Variants in MXD1 observed in about 807,000 individuals in gnomAD.
The protein encoded by MXD1 is MAX-binding protein.
Under a neutral mutation model 25.7 loss-of-function variants are expected in MXD1, and 9 were observed. That is an observed-to-expected ratio of 0.35 (90% CI 0.21 to 0.61). The LOEUF (loss-of-function observed/expected upper bound fraction) is 0.61, where lower values mean the gene tolerates loss of function less well. Among genes scored for constraint, MXD1 ranks in the 20% least tolerant of loss-of-function variants. The probability of loss-of-function intolerance (pLI) is 0.75; values close to 1 mark genes in which losing one functional copy is unlikely to be tolerated. For synonymous variants in MXD1, 99 were observed against 113.9 expected (o/e 0.87, Z 0.83); for missense variants, 227 against 292.4 (o/e 0.78, Z 1.63).
chr2:69,919,470 G>A (rs962970698), intron 2 of MXD1, among the ~76,000 whole-genome samples: 7 of 151,020 alleles, frequency 4.6e-5, no homozygotes, highest in African/African-American at 9.7e-5. Flanking sequence ...TCAGCCTCCC[G>A]AGTAGCTGGG....
intron 2 of MXD1, among the ~76,000 whole-genome samples, chr2:69,921,060 C>A (rs1677055486): frequency 6.6e-6 from 1 of 152,162 alleles, no homozygotes. Context: ...TAACCAGTAA[C>A]AGGATGGTAA....
At chr2:69,934,212 A>G (rs550685797) in intron 3 of MXD1, among the ~76,000 whole-genome samples, 1 of 152,312 alleles carries the variant, frequency 6.6e-6, no homozygotes, top group South Asian at 2.1e-4. Flanking sequence ...AGTGAATAAT[A>G]TAAACAGTTA....
Position 69,916,100 on chromosome 2 carries a change from C to T in MXD1, c.74-21C>T, listed in dbSNP as rs181713845. 47 of 1,452,344 alleles carry T rather than the reference C, an allele frequency of 3.2e-5. No homozygotes were observed. In the Admixed American group the frequency reaches 6.7e-4, roughly 21 times the overall value. The allele number at this position is 1,452,344 out of a possible 1,614,324, so 90.0% of individuals were successfully genotyped here. ...TAAATATTCTGGGCCCATTCATTAA[C>T]TGGATCCTCCTGTTTTCTAGAAGCT... On this transcript the variant is annotated intron_variant, in intron 1 of 5. Transcript: ENST00000264444.
chr2:69,931,275 C>T (rs1677275897), intron 3 of MXD1, among the ~76,000 whole-genome samples: 1 of 152,106 alleles, frequency 6.6e-6, no homozygotes, highest in Admixed American at 6.6e-5. Context: ...GTTATCCATT[C>T]TTTTAAGCTA....
chr2:69,915,638 TC>T lies in MXD1; in HGVS notation c.73+239del, dbSNP rs1004817820. On this transcript the variant is annotated intron_variant, in intron 1 of 5. Transcript: ENST00000264444. The surrounding 1 kb of genome is among the most constrained non-coding windows in gnomAD (Gnocchi z 5.8). ...CGCCGGGGTCCCGAACGCCGCCCCT[TC>T]CCCAGCCCTTCACGAGTGGGTGGCC... 6.6e-6 allele frequency among the ~76,000 whole-genome samples: 1 copy of T among 152,096 alleles called. No homozygotes were observed. The highest frequency in any genetic ancestry group is 1.5e-5 in the Non-Finnish European group (1 of 67,974).
intron 2 of MXD1, 95 bp from the exon 3 acceptor site, chr2:69,921,641 T>C: frequency 8.5e-7 from 1 of 1,180,602 alleles, no homozygotes. Flanking sequence ...TCCTATCAAC[T>C]TTGGAGAGAA....
chr2:69,926,683 T>C (rs1677177397), intron 3 of MXD1, among the ~76,000 whole-genome samples: 1 of 152,240 alleles, frequency 6.6e-6, no homozygotes, highest in African/African-American at 2.4e-5. Flanking sequence ...TAATTGATTA[T>C]TGTTGGAATA....
intron 3 of MXD1, among the ~76,000 whole-genome samples, chr2:69,925,119 T>C (rs1037013615): frequency 3.9e-5 from 6 of 152,124 alleles, no homozygotes; most frequent in Non-Finnish European, 8.8e-5. Context: ...TACGCACTGC[T>C]GTGGAGGAGC....
intron 3 of MXD1, among the ~76,000 whole-genome samples, chr2:69,925,213 G>A (rs958309468): frequency 2.2e-4 from 33 of 151,918 alleles, no homozygotes; most frequent in African/African-American, 7.7e-4. Context: ...TTCTGGGTCT[G>A]ATCTCCTAAG....
At chr2:69,936,416 G>A (rs1251725381) in intron 4 of MXD1, among the ~76,000 whole-genome samples, 1 of 152,116 alleles carries the variant, frequency 6.6e-6, no homozygotes, top group Non-Finnish European at 1.5e-5. Context: ...CACTCTCTTT[G>A]CTACCTGAAT....
At chr2:69,927,909 T>C (rs1323289225) in intron 3 of MXD1, among the ~76,000 whole-genome samples, 1 of 152,184 alleles carries the variant, frequency 6.6e-6, no homozygotes, top group Non-Finnish European at 1.5e-5. Context: ...CACTTGGCAA[T>C]TGTTTATAAA....
intron 3 of MXD1, among the ~76,000 whole-genome samples, chr2:69,935,039 C>T (rs1349533441): frequency 6.6e-6 from 1 of 152,144 alleles, no homozygotes; most frequent in African/African-American, 2.4e-5. Context: ...GTAAGTTGAA[C>T]CATCATGAGT....
Position 69,921,757 on chromosome 2 carries a change from G to A in MXD1, c.195G>A (p.Glu65=), listed in dbSNP as rs1677067616. 1.2e-6 allele frequency: 2 copies of A among 1,611,670 alleles called. No homozygotes were observed. Among genetic ancestry groups the A allele is most frequent in the African/African-American group, 2.7e-5 (2 of 74,782 alleles). ...SSSRSTHNEM[E]KNRRAHLRLC... ...TCAGATCAACTCACAATGAAATGGA[G>A]AAGAATAGGTGAGTTGGGGATTTGG... The change falls in exon 3 of 6, where the codon GAG becomes GAA. Residue 65 remains glutamate (E), a synonymous_variant. Coordinates refer to ENST00000264444, the MANE Select transcript of MXD1 (RefSeq NM_002357.4).
chr2:69,922,750 C>T (rs1170530339), intron 3 of MXD1, among the ~76,000 whole-genome samples: 1 of 151,862 alleles, frequency 6.6e-6, no homozygotes, highest in Non-Finnish European at 1.5e-5. Flanking sequence ...TGTGGTGGCA[C>T]GTGCCTGTAA....
At chr2:69,937,162 G>A (rs1202864492) in intron 4 of MXD1, 73 bp from the exon 5 acceptor site, 5 of 1,578,742 alleles carry the variant, frequency 3.2e-6, no homozygotes, top group Non-Finnish European at 4.4e-6. Context: ...ACTGCTAGAA[G>A]GGAAGATGCG....
rs922555604 is a variant in MXD1 at position 69,941,859 on chromosome 2, T to C, written c.*3575T>C. 5 of 135,182 alleles carry C rather than the reference T, an allele frequency of 3.7e-5. No individual in the cohort carries two copies. In the Admixed American group the frequency reaches 5.2e-4, roughly 14 times the overall value. The allele number at this position is 135,182 out of a possible 1,614,324, so 8.4% of individuals were successfully genotyped here. A position where few individuals can be genotyped will look rare whatever the true frequency, so the allele number is the denominator to read the frequency against. On this transcript the variant is annotated 3_prime_UTR_variant, in exon 6 of 6. Coordinates refer to ENST00000264444, the MANE Select transcript of MXD1 (RefSeq NM_002357.4). Reference sequence around the variant, plus strand: ...AGAACTTATTTTTGAAAAGTATCTATATATACACACACACACACACACACA... The same window carrying C: ...AGAACTTATTTTTGAAAAGTATCTACATATACACACACACACACACACACA...
rs1359741320 is a variant in MXD1 at position 69,940,654 on chromosome 2, TTGTC to T, written c.*2373_*2376del. 2.0e-5 allele frequency: 3 copies of T among 152,664 alleles called. No individual in the cohort carries two copies. The highest frequency in any genetic ancestry group is 2.4e-5 in the African/African-American group (1 of 41,464). 9.5% of individuals were successfully genotyped at this position (152,664 alleles called of 1,614,324 possible). ...AGTAATTATTTGACCTTTGCACTGT[TTGTC>T]TGGTCCTTTTCAGTTTGATTGCATA... is the stretch of plus-strand genomic sequence containing the variant. On this transcript the variant is annotated 3_prime_UTR_variant, in exon 6 of 6. Coordinates refer to ENST00000264444, the MANE Select transcript of MXD1 (RefSeq NM_002357.4).
chr2:69,921,150 C>T (rs1677057292), intron 2 of MXD1, among the ~76,000 whole-genome samples: 1 of 152,216 alleles, frequency 6.6e-6, no homozygotes, highest in Admixed American at 6.5e-5. Flanking sequence ...AGCAACCTAT[C>T]ATCTTTATAT....
intron 3 of MXD1, among the ~76,000 whole-genome samples, chr2:69,929,120 T>A (rs983395171): frequency 3.3e-5 from 5 of 152,194 alleles, no homozygotes; most frequent in Non-Finnish European, 5.9e-5. Context: ...CTCAAACTCC[T>A]GGCCTCAAGT....
Sources: gnomAD v4.1 joint callset for allele counts (sites outside exome capture counted in the v4.1 genomes callset) on GRCh38, gnomAD v4.1.1 for gene constraint, Gnocchi (gnomAD v3.1) non-coding constraint, MANE v1.5 for transcripts, NCBI Gene and HGNC (gene_info 2026-07-23, HGNC 2026-07-21) for gene names.